ABCA13: variants seen among roughly 807,000 people sequenced by gnomAD.
ABCA13 encodes ATP binding cassette subfamily A member 13.
In ABCA13, 476 loss-of-function variants were observed where a neutral mutation model predicts 478.7. The observed-to-expected ratio is 0.99, with a 90% confidence interval of 0.92 to 1.07. ABCA13 has a LOEUF of 1.07. ABCA13 is among the 50% of genes least tolerant of loss of function. ABCA13 has a pLI of 0.00. For synonymous variants in ABCA13, 2,252 were observed against 2,158.9 expected (o/e 1.04, Z -1.20); for missense variants, 6,060 against 5,910.6 (o/e 1.03, Z -0.83).
intron 27 of ABCA13, among the ~76,000 whole-genome samples, chr7:48,324,956 T>C (rs1804096461): frequency 6.6e-6 from 1 of 152,222 alleles, no homozygotes; most frequent in Non-Finnish European, 1.5e-5. Context: ...TGCTTCGAAT[T>C]GCTTTCTTAA....
intron 1 of ABCA13, among the ~76,000 whole-genome samples, chr7:48,176,898 C>T (rs1325526494): frequency 1.3e-5 from 2 of 152,136 alleles, no homozygotes; most frequent in Non-Finnish European, 2.9e-5. Context: ...CTACTTCAAA[C>T]CTCAGAGCTT....
Position 48,271,963 on chromosome 7 carries a change from A to C in ABCA13, c.2297A>C (p.Asp766Ala). The change falls in exon 17 of 62, where the codon GAT (aspartate) becomes GCT (alanine). Residue 766 changes from aspartate (D) to alanine (A), a missense_variant. Transcript: ENST00000435803. ...SFHSLPSLTE[D>A]ILNISSLWTN... is the part of the protein sequence containing the mutation. ...CACAGCCTCCCATCTCTCACAGAGGATATTCTGAATATAAGTTCTCTGTGG... is the reference window on the plus strand; with the variant it reads ...CACAGCCTCCCATCTCTCACAGAGGCTATTCTGAATATAAGTTCTCTGTGG... 1 of 1,613,630 alleles carries C rather than the reference A, an allele frequency of 6.2e-7. No individual in the cohort carries two copies. Among genetic ancestry groups the C allele is most frequent in the South Asian group, 1.1e-5 (1 of 91,048 alleles).
At chr7:48,265,685 G>C (rs894222980) in intron 15 of ABCA13, among the ~76,000 whole-genome samples, 1 of 151,484 alleles carries the variant, frequency 6.6e-6, no homozygotes, top group South Asian at 2.1e-4. Flanking sequence ...GATTTCATCA[G>C]ATTGTCTATA....
In ABCA13 at chr7:48,352,297, G is replaced by A. The variant is rs766561093; in HGVS notation, c.10498G>A (p.Val3500Met). The A allele has an allele frequency of 6.2e-7, 1 of 1,613,860 alleles. No homozygotes were observed. The highest frequency in any genetic ancestry group is 1.7e-5 in the Admixed American group (1 of 60,028). The part of the protein sequence containing the change: ...TNVLYSVRTD[V>M]VKNPSWKFHP... ...TGTGTTATACAGCGTGCGAACAGATGTGGTAAAAAACCCTTCTTGGAAGTT... is the reference window on the plus strand; with the variant it reads ...TGTGTTATACAGCGTGCGAACAGATATGGTAAAAAACCCTTCTTGGAAGTT... Residue 3500 changes from valine to methionine, a missense_variant, in exon 31 of 62, where the codon GTG (valine) becomes ATG (methionine). Physicochemically the swap from Val to Met is conservative, Grantham distance 21. Around this residue, in one of 3 missense-constraint regions of ABCA13, gnomAD observed 4,423 missense variants for 4,309.1 expected, o/e 1.03. Transcript: ENST00000435803.
rs1475533266 is a variant in ABCA13 at position 48,272,113 on chromosome 7, CA to C, written c.2453del (p.Asn818IlefsTer3). 6.2e-7 allele frequency: 1 copy of C among 1,613,260 alleles called. No individual in the cohort carries two copies. Among genetic ancestry groups the C allele is most frequent in the East Asian group, 2.2e-5 (1 of 44,862 alleles). On this transcript the variant is annotated frameshift_variant, in exon 17 of 62. Coordinates refer to ENST00000435803, the MANE Select transcript of ABCA13 (RefSeq NM_152701.5). LOFTEE classifies it high-confidence loss of function. ...GGAAGTCACTGGATAAGGAAGGAAC[CA>C]AAAAATCTTTTGAGATTCATAGAAT... ...TLGSHWIRKE[P>X]KNLLRFIELI...
rs1352393493 is a variant in ABCA13, at chr7:48,350,569, A to G, written c.10205-74A>G. 5.8e-6 allele frequency: 8 copies of G among 1,388,768 alleles called. No homozygotes were observed. The East Asian group carries it at 1.4e-4, about 25-fold the overall frequency. 86.0% of individuals were successfully genotyped at this position (1,388,768 alleles called of 1,614,324 possible). On this transcript the variant is annotated intron_variant, in intron 29 of 61. Transcript: ENST00000435803. ...ATTCATTTTCAAATCCATTTGCACA[A>G]TCTCCACTATATGAGTGGTAAGCAC... is the stretch of plus-strand genomic sequence containing the variant.
intron 1 of ABCA13, among the ~76,000 whole-genome samples, chr7:48,188,411 G>A (rs1215426227): frequency 6.6e-6 from 1 of 152,076 alleles, no homozygotes; most frequent in Non-Finnish European, 1.5e-5. Context: ...AGGAGATAAG[G>A]AGACTCCTTT....
At chr7:48,426,332 T>C (rs1440268893) in intron 41 of ABCA13, among the ~76,000 whole-genome samples, 2 of 152,200 alleles carry the variant, frequency 1.3e-5, no homozygotes, top group African/African-American at 2.4e-5. Flanking sequence ...GCGGAGATAT[T>C]GCATGCCTCT....
At chr7:48,586,878 C>A (rs556668587) in intron 56 of ABCA13, among the ~76,000 whole-genome samples, 4 of 152,284 alleles carry the variant, frequency 2.6e-5, no homozygotes, top group African/African-American at 9.6e-5. Flanking sequence ...GGACCCCCAA[C>A]CTTGAGTGTG....
rs931274953 is a variant in ABCA13, at chr7:48,568,496, T to C, written c.14355-11728T>C. Among the ~76,000 whole-genome samples, 9 of 152,152 alleles carry C rather than the reference T, an allele frequency of 5.9e-5. 1 individual carries two copies. In the South Asian group the frequency reaches 1.9e-3, roughly 32 times the overall value. On this transcript the variant is annotated intron_variant, in intron 55 of 61. Transcript: ENST00000435803. ...CTTGAGCATAGTGCCTACTTCTCTTTATATGGGCTGGATTTGATTTACTTG... is the reference window on the plus strand; with the variant it reads ...CTTGAGCATAGTGCCTACTTCTCTTCATATGGGCTGGATTTGATTTACTTG...
rs59630845 is a variant in ABCA13, at chr7:48,438,884, G to GTTTTTTTTT, written c.12565+11020_12565+11028dup. 3.2e-3 allele frequency among the ~76,000 whole-genome samples: 445 copies of GTTTTTTTTT among 139,288 alleles called. 8 individuals carry two copies. The highest frequency in any genetic ancestry group is 5.6e-3 in the African/African-American group (211 of 37,590). 91.4% of individuals were successfully genotyped at this position (139,288 alleles called of 152,430 possible). ...AACTGCAGAAGACAATTTTGCTAAGGTTTTTTTTTTTTTTTAAAAAACTAA... is the reference window on the plus strand; with the variant it reads ...AACTGCAGAAGACAATTTTGCTAAGGTTTTTTTTTTTTTTTTTTTTTTTTAAAAAACTAA... On this transcript the variant is annotated intron_variant, in intron 42 of 61. Transcript: ENST00000435803.
chr7:48,593,238 T>C (rs575468640), intron 57 of ABCA13, among the ~76,000 whole-genome samples: 3 of 148,032 alleles, frequency 2.0e-5, no homozygotes, highest in East Asian at 3.9e-4. Context: ...TGTTTTTTTT[T>C]CTTTTGTGTG....
At chr7:48,629,041 T>C (rs2131627124) in intron 59 of ABCA13, among the ~76,000 whole-genome samples, 1 of 152,342 alleles carries the variant, frequency 6.6e-6, no homozygotes, top group African/African-American at 2.4e-5. Flanking sequence ...CTCAAAACAG[T>C]CTGCATTATT....
At chr7:48,511,035 A>G in intron 50 of ABCA13, 49 bp from the exon 51 acceptor site, 4 of 1,415,908 alleles carry the variant, frequency 2.8e-6, no homozygotes, top group Non-Finnish European at 4.0e-6. Context: ...GATAATAAAT[A>G]TGACCATCTG....
chr7:48,629,575 CAAAAA>C (rs11392411), intron 59 of ABCA13, among the ~76,000 whole-genome samples: 2 of 66,958 alleles, frequency 3.0e-5, no homozygotes, highest in Non-Finnish European at 5.5e-5. Context: ...TACATTTTGG[CAAAAA>C]AAAAAAAAAA....
At chr7:48,301,182 T>C (rs1192858612) in intron 23 of ABCA13, among the ~76,000 whole-genome samples, 1 of 151,934 alleles carries the variant, frequency 6.6e-6, no homozygotes, top group Non-Finnish European at 1.5e-5. Context: ...GGGCATTCCC[T>C]GAAAGTTCCA....
intron 59 of ABCA13, among the ~76,000 whole-genome samples, chr7:48,633,955 G>GATAC (rs1794416388): frequency 6.6e-6 from 1 of 151,876 alleles, no homozygotes; most frequent in African/African-American, 2.4e-5. Context: ...TAGATAGATA[G>GATAC]ATAGATAGAT....
chr7:48,642,761 C>T lies in ABCA13; in HGVS notation c.14838-527C>T, dbSNP rs144500908. ...AATGTGAGGAACAGAGCCCCTTAGG[C>T]AGGAGACTTCCTTTGCAGTCATAGG... On this transcript the variant is annotated intron_variant, in intron 59 of 61. Transcript: ENST00000435803. 5.9e-4 allele frequency among the ~76,000 whole-genome samples: 90 copies of T among 152,278 alleles called. 2 individuals carry two copies. Among genetic ancestry groups the T allele is most frequent in the South Asian group, 2.7e-3 (13 of 4,820 alleles).
intron 38 of ABCA13, among the ~76,000 whole-genome samples, chr7:48,401,830 C>T (rs1024066042): frequency 2.6e-5 from 4 of 151,126 alleles, no homozygotes; most frequent in Non-Finnish European, 5.9e-5. Flanking sequence ...ATTCAAAGTG[C>T]ATCAGGAAAA....
Sources: allele counts gnomAD v4.1 joint callset (sites outside exome capture counted in the v4.1 genomes callset), GRCh38; gene constraint gnomAD v4.1.1; regional missense constraint gnomAD v4.1.1; transcripts MANE v1.5; gene names NCBI Gene and HGNC (gene_info 2026-07-23, HGNC 2026-07-21).